Variants in ATP1A1 observed in about 807,000 individuals in gnomAD.
The protein encoded by ATP1A1 is sodium/potassium-transporting ATPase subunit alpha-1.
Under a neutral mutation model 114.8 loss-of-function variants are expected in ATP1A1, and 14 were observed. The observed-to-expected ratio is 0.12, with a 90% CI of 0.08 to 0.19. ATP1A1 has a LOEUF of 0.19. ATP1A1 is among the 10% of genes least tolerant of loss of function. The pLI, the probability that ATP1A1 is intolerant of heterozygous loss-of-function variation, is 1.00. For missense variants in ATP1A1, 524 were observed against 1,290.7 expected, an observed-to-expected ratio of 0.41 and a Z score of 9.10; for synonymous variants, 471 against 466.3, an observed-to-expected ratio of 1.01 and a Z score of -0.13.
In ATP1A1 at chr1:116,383,394, G is replaced by T; in HGVS notation, c.13-620G>T. ...TGATATGTAATAATGTCTTTGCAAA[G>T]CAAAGAATATAAACAGTATAAAAGT... On this transcript the variant is annotated intron_variant, in intron 1 of 22. Transcript: ENST00000295598. 6 of 988,712 alleles carry T rather than the reference G, an allele frequency of 6.1e-6. No homozygotes were observed. In the South Asian group the frequency reaches 2.1e-4, roughly 34 times the overall value. 61.2% of individuals were successfully genotyped at this position (988,712 alleles called of 1,614,324 possible). A position where few individuals can be genotyped will look rare whatever the true frequency, so the allele number is the denominator to read the frequency against.
At position 116,373,420 on chromosome 1, in the gene ATP1A1, T is replaced by G; in HGVS notation, c.-92T>G. ...CCTAGCTCCCTCCACTTGGCTCCCC[T>G]GGTCCCGCTCGCTCGGCCGGGAGCT... On this transcript the variant is annotated 5_prime_UTR_variant, in exon 1 of 23. Transcript: ENST00000295598. The G allele has an allele frequency of 2.2e-6, 2 of 899,796 alleles. No homozygotes were observed. Among genetic ancestry groups the G allele is most frequent in the Non-Finnish European group, 1.6e-6 (1 of 640,944 alleles). The allele number at this position is 899,796 out of a possible 1,614,324, so 55.7% of individuals were successfully genotyped here. A position where few individuals can be genotyped will look rare whatever the true frequency, so the allele number is the denominator to read the frequency against.
rs1052879330 is a variant in ATP1A1 at position 116,399,838 on chromosome 1, G to A, written c.2572+295G>A. The stretch of plus-strand genomic sequence containing the variant: ...GATGTCCTTCCTCACTGAGCCTTGC[G>A]GAACAGGAGGCATGGTTCTAAGGAA... On this transcript the variant is annotated intron_variant, in intron 18 of 22. Transcript: ENST00000295598. The surrounding 1 kb of genome is among the most constrained non-coding windows in gnomAD (Gnocchi z 5.0). 2.0e-5 allele frequency among the ~76,000 whole-genome samples: 3 copies of A among 152,192 alleles called. No individual in the cohort carries two copies. The highest frequency in any genetic ancestry group is 2.9e-5 in the Non-Finnish European group (2 of 68,032).
rs1570981719 is a variant in ATP1A1, at chr1:116,401,722, TGTG to T, written c.2951+70_2951+72del. 53 of 1,481,570 alleles carry T rather than the reference TGTG, an allele frequency of 3.6e-5. 1 individual carries two copies. The East Asian group carries it at 1.1e-3, about 31-fold the overall frequency. 91.8% of individuals were successfully genotyped at this position (1,481,570 alleles called of 1,614,324 possible). ...ATGTGTGGCTTTTCCCCCCATTACT[TGTG>T]GTAATAGTTGTTATTTTCAGAATTT... is the stretch of plus-strand genomic sequence containing the variant. On this transcript the variant is annotated intron_variant, in intron 21 of 22. Coordinates refer to ENST00000295598, the MANE Select transcript of ATP1A1 (RefSeq NM_000701.8). The surrounding 1 kb of genome is among the most constrained non-coding windows in gnomAD (Gnocchi z 4.7).
intron 1 of ATP1A1, among the ~76,000 whole-genome samples, chr1:116,380,512 A>G (rs1651673294): frequency 1.3e-5 from 2 of 152,308 alleles, no homozygotes; most frequent in East Asian, 1.9e-4. Context: ...TACCTCTGGG[A>G]TGGAAGATCC....
intron 1 of ATP1A1, among the ~76,000 whole-genome samples, chr1:116,375,042 G>C (rs899514177): frequency 1.3e-5 from 2 of 152,170 alleles, no homozygotes; most frequent in African/African-American, 4.8e-5. Flanking sequence ...CTGGGTTAGT[G>C]GCCTGTGCTT....
chr1:116,384,756 ATTTTC>A lies in ATP1A1; in HGVS notation c.124-23_124-19del, dbSNP rs1402247954. 1.9e-6 allele frequency: 3 copies of A among 1,581,208 alleles called. No homozygotes were observed. Among genetic ancestry groups the A allele is most frequent in the Admixed American group, 3.6e-5 (2 of 55,596 alleles). ...TTTTTTTATACTACACTGTTTAACT[ATTTTC>A]TTTGTTTCTGTTTTCCCTTAGGATG... On this transcript the variant is annotated intron_variant, in intron 2 of 22. Coordinates refer to ENST00000295598, the MANE Select transcript of ATP1A1 (RefSeq NM_000701.8). The surrounding 1 kb of genome is among the most constrained non-coding windows in gnomAD (Gnocchi z 5.1).
At chr1:116,390,747 A>G (rs768626268) in intron 9 of ATP1A1, 35 bp from the exon 10 acceptor site, 1 of 1,543,338 alleles carries the variant, frequency 6.5e-7, no homozygotes, top group Non-Finnish European at 9.0e-7. Context: ...AAGTTAATGC[A>G]TTGTTGTTCT....
Position 116,389,771 on chromosome 1 carries a change from T to C in ATP1A1, c.1023+64T>C. On this transcript the variant is annotated intron_variant, in intron 8 of 22. Coordinates refer to ENST00000295598, the MANE Select transcript of ATP1A1 (RefSeq NM_000701.8). The surrounding 1 kb of genome is among the most constrained non-coding windows in gnomAD (Gnocchi z 6.9). ...TTGCACGAATGTTACACTCTTCCGCTATCCTATTCTAAGGTATTGCCAACT... is the reference window on the plus strand; with the variant it reads ...TTGCACGAATGTTACACTCTTCCGCCATCCTATTCTAAGGTATTGCCAACT... The C allele has an allele frequency of 1.3e-5, 20 of 1,592,822 alleles. No homozygotes were observed. Among genetic ancestry groups the C allele is most frequent in the Non-Finnish European group, 1.7e-5 (20 of 1,166,278 alleles).
chr1:116,375,200 C>A (rs1651283261), intron 1 of ATP1A1, among the ~76,000 whole-genome samples: 2 of 152,214 alleles, frequency 1.3e-5, no homozygotes, highest in Admixed American at 1.3e-4. Flanking sequence ...GTGCCCCAAG[C>A]CTAGGAAGGT....
Position 116,384,072 on chromosome 1 carries a change from A to T in ATP1A1, c.71A>T (p.Lys24Ile). The change falls in exon 2 of 23, where the codon AAA becomes ATA. Residue 24 changes from lysine (K) to isoleucine (I), a missense_variant. Transcript: ENST00000295598. This position sits in a 1 kb window ranked among gnomAD's most constrained non-coding sequence, Gnocchi z 5.1. ...AVSEQGDKKG[K>I]KGKKDRDMDE... ...TCAGAACAAGGTGATAAAAAGGGCA[A>T]AAAGGGCAAAAAAGACAGGGACATG... The T allele has an allele frequency of 6.2e-7, 1 of 1,614,138 alleles. No individual in the cohort carries two copies. Among genetic ancestry groups the T allele is most frequent in the Non-Finnish European group, 8.5e-7 (1 of 1,180,004 alleles).
At chr1:116,386,102 GACA>G (rs1652060159) in intron 3 of ATP1A1, 1 of 113,226 alleles carries the variant, frequency 8.8e-6, no homozygotes, top group Non-Finnish European at 1.7e-5. Context: ...CTCCAGCCTG[GACA>G]ACAAGAGTGA....
In ATP1A1 at chr1:116,388,811, G is replaced by A; in HGVS notation, c.636+39G>A. ...TTTAACAAACCTCATAGCTAGCTCT[G>A]CTGTTCGGGCAGCTTGATTTGAGGG... is the stretch of plus-strand genomic sequence containing the variant. On this transcript the variant is annotated intron_variant, in intron 6 of 22. Coordinates refer to ENST00000295598, the MANE Select transcript of ATP1A1 (RefSeq NM_000701.8). The surrounding 1 kb of genome is among the most constrained non-coding windows in gnomAD (Gnocchi z 5.6). The A allele has an allele frequency of 2.5e-6, 4 of 1,613,038 alleles. No individual in the cohort carries two copies. The highest frequency in any genetic ancestry group is 3.4e-6 in the Non-Finnish European group (4 of 1,179,298).
At position 116,399,681 on chromosome 1, in the gene ATP1A1, C is replaced by A; in HGVS notation, c.2572+138C>A. On this transcript the variant is annotated intron_variant, in intron 18 of 22. Transcript: ENST00000295598. The surrounding 1 kb of genome is among the most constrained non-coding windows in gnomAD (Gnocchi z 5.0). ...CTAGGATGAGCCCTAACGGAGTGAG[C>A]CTGTGGAGTTTCTCTGAACTCTCTT... 1 of 1,221,364 alleles carries A rather than the reference C, an allele frequency of 8.2e-7. No individual in the cohort carries two copies. Among genetic ancestry groups the A allele is most frequent in the Non-Finnish European group, 1.1e-6 (1 of 895,352 alleles). 75.7% of individuals were successfully genotyped at this position (1,221,364 alleles called of 1,614,324 possible).
chr1:116,383,518 G>A, intron 1 of ATP1A1: 1 of 317,526 alleles, frequency 3.1e-6, no homozygotes, highest in Non-Finnish European at 4.6e-6. Context: ...AAATTGAAAT[G>A]TAGAAGTTAG....
intron 1 of ATP1A1, among the ~76,000 whole-genome samples, chr1:116,382,151 C>T (rs977390165): frequency 2.6e-5 from 4 of 152,050 alleles, no homozygotes; most frequent in East Asian, 1.9e-4. Flanking sequence ...CCAGCCTGGG[C>T]GACAGAGTGA....
At chr1:116,375,172 T>G (rs1330816692) in intron 1 of ATP1A1, among the ~76,000 whole-genome samples, 2 of 152,120 alleles carry the variant, frequency 1.3e-5, no homozygotes, top group Non-Finnish European at 2.9e-5. Context: ...TTTTGGGGGG[T>G]TTAGACATCA....
rs1180741764 is a variant in ATP1A1, at chr1:116,399,809, T to C, written c.2572+266T>C. On this transcript the variant is annotated intron_variant, in intron 18 of 22. Coordinates refer to ENST00000295598, the MANE Select transcript of ATP1A1 (RefSeq NM_000701.8). The surrounding 1 kb of genome is among the most constrained non-coding windows in gnomAD (Gnocchi z 5.0). ...ACTGGGCTCAACTCTGCCTGAGAAA[T>C]GAGGATGTCCTTCCTCACTGAGCCT... is the stretch of plus-strand genomic sequence containing the variant. Among the ~76,000 whole-genome samples the C allele has an allele frequency of 1.3e-5, 2 of 152,196 alleles. No homozygotes were observed. The highest frequency in any genetic ancestry group is 6.5e-5 in the Admixed American group (1 of 15,280).
In ATP1A1 at chr1:116,389,658, TC is replaced by T. The variant is rs1331886660; in HGVS notation, c.975del (p.Ile325MetfsTer5). 6.2e-7 allele frequency: 1 copy of T among 1,614,066 alleles called. No homozygotes were observed. The highest frequency in any genetic ancestry group is 8.5e-7 in the Non-Finnish European group (1 of 1,180,058). On this transcript the variant is annotated frameshift_variant, in exon 8 of 23. Coordinates refer to ENST00000295598, the MANE Select transcript of ATP1A1 (RefSeq NM_000701.8). LOFTEE classifies it high-confidence loss of function. The surrounding 1 kb of genome is among the most constrained non-coding windows in gnomAD (Gnocchi z 6.9). ...TGGCTTGAGGCTGTCATCTTCCTCATCGGTATCATCGTAGCCAATGTGCCGG... is the reference window on the plus strand; with the variant it reads ...TGGCTTGAGGCTGTCATCTTCCTCATGGTATCATCGTAGCCAATGTGCCGG... Reference protein sequence around the residue: ...YTWLEAVIFLIGIIVANVPEG... With the variant: ...YTWLEAVIFLXGIIVANVPEG...
rs923221277 is a variant in ATP1A1 at position 116,373,275 on chromosome 1, G to A, written c.-237G>A. 9 of 396,412 alleles carry A rather than the reference G, an allele frequency of 2.3e-5. No homozygotes were observed. The highest frequency in any genetic ancestry group is 1.3e-4 in the African/African-American group (6 of 47,448). The allele number at this position is 396,412 out of a possible 1,614,324, so 24.6% of individuals were successfully genotyped here. A position where few individuals can be genotyped will look rare whatever the true frequency, so the allele number is the denominator to read the frequency against. On this transcript the variant is annotated 5_prime_UTR_variant, in exon 1 of 23. Coordinates refer to ENST00000295598, the MANE Select transcript of ATP1A1 (RefSeq NM_000701.8). Reference sequence around the variant, plus strand: ...GCGGCGGGGTCTGGGGCGCAGAGCAGCGGCGGGAGGAGGCGGACACGTGGC... The same window carrying A: ...GCGGCGGGGTCTGGGGCGCAGAGCAACGGCGGGAGGAGGCGGACACGTGGC...
Sources: gnomAD v4.1 joint callset for allele counts (sites outside exome capture counted in the v4.1 genomes callset) on GRCh38, gnomAD v4.1.1 for gene constraint, Gnocchi (gnomAD v3.1) non-coding constraint, MANE v1.5 for transcripts, NCBI Gene and HGNC (gene_info 2026-07-23, HGNC 2026-07-21) for gene names.